The following SAMD5 variants were observed in gnomAD, a reference collection of about 807,000 sequenced individuals.
SAMD5 encodes sterile alpha motif domain-containing protein 5.
SAMD5 carries 13 observed loss-of-function variants against 11.3 expected under a neutral mutation model. The observed-to-expected ratio is 1.15, with a 90% CI of 0.75 to 1.83. The LOEUF is 1.83. Ranked by LOEUF, SAMD5 falls within the 40% of genes most tolerant of loss-of-function variation. The probability of loss-of-function intolerance (pLI) is 0.00; values close to 1 mark genes in which losing one functional copy is unlikely to be tolerated. For synonymous variants in SAMD5, 129 were observed against 111.3 expected, an observed-to-expected ratio of 1.16 and a Z score of -1.00; for missense variants, 255 against 239.1, an observed-to-expected ratio of 1.07 and a Z score of -0.44.
intron 1 of SAMD5, among the ~76,000 whole-genome samples, chr6:147,551,812 T>TTATATA (rs10691979): frequency 0.062 from 6,100 of 99,012 alleles, 144 homozygotes; most frequent in East Asian, 0.14. Context: ...TATATATATG[T>TTATATA]TATATATATA....
chr6:147,642,726 CA>C (rs1330609936), intron 1 of SAMD5, among the ~76,000 whole-genome samples: 8 of 152,286 alleles, frequency 5.3e-5, no homozygotes, highest in Middle Eastern at 3.4e-3. Flanking sequence ...AATAGCTATG[CA>C]ATCCCAGTCT....
chr6:147,702,480 C>T (rs1468585355), intron 1 of SAMD5, among the ~76,000 whole-genome samples: 2 of 152,114 alleles, frequency 1.3e-5, no homozygotes, highest in African/African-American at 4.8e-5. Context: ...AGGAGAAACA[C>T]TAGATACATT....
the SAMD5 span, among the ~76,000 whole-genome samples, chr6:147,879,352 G>T: frequency 6.6e-6 from 1 of 152,180 alleles, no homozygotes; most frequent in East Asian, 1.9e-4. Flanking sequence ...TCCTCCGAGA[G>T]CAGAGATGAG....
chr6:147,599,187 T>C (rs17077055), intron 1 of SAMD5, among the ~76,000 whole-genome samples: 6,683 of 152,238 alleles, frequency 0.044, 225 homozygotes, highest in Admixed American at 0.098. Context: ...TGGTAAAGAA[T>C]GCCAAATTGC....
chr6:147,886,115 A>G, the SAMD5 span, among the ~76,000 whole-genome samples: 1 of 152,156 alleles, frequency 6.6e-6, no homozygotes, highest in African/African-American at 2.4e-5. Context: ...TAAAAAGAGC[A>G]TTTCCCAGGA....
chr6:147,896,451 G>A, the SAMD5 span, among the ~76,000 whole-genome samples: 1 of 152,030 alleles, frequency 6.6e-6, no homozygotes, highest in Non-Finnish European at 1.5e-5. Flanking sequence ...TGCTAAATAG[G>A]CTGATCTCAG....
chr6:147,837,475 G>A, the SAMD5 span, among the ~76,000 whole-genome samples: 2 of 152,240 alleles, frequency 1.3e-5, no homozygotes, highest in African/African-American at 4.8e-5. Flanking sequence ...TGACACATAA[G>A]AGGAGAAATC....
rs191849338 is a variant in SAMD5, at chr6:147,581,519, C to A, written c.162+72132C>A. Among the ~76,000 whole-genome samples the A allele has an allele frequency of 2.6e-5, 4 of 152,136 alleles. No homozygotes were observed. In the East Asian group the frequency reaches 7.8e-4, roughly 30 times the overall value. ...AACATTGAAGTGATGGATGGAGGAA[C>A]AGGAAGGAGCTTTGAACCAAGTAGG... On this transcript the variant is annotated intron_variant, in intron 1 of 1. Coordinates refer to the SAMD5 transcript ENST00000566741.
intron 1 of SAMD5, among the ~76,000 whole-genome samples, chr6:147,736,143 C>T (rs1791800042): frequency 6.6e-6 from 1 of 152,132 alleles, no homozygotes; most frequent in South Asian, 2.1e-4. Flanking sequence ...GCAGATTATG[C>T]AACGTTTGTG....
At chr6:147,909,722 T>C in the SAMD5 span, among the ~76,000 whole-genome samples, 1 of 151,916 alleles carries the variant, frequency 6.6e-6, no homozygotes, top group East Asian at 1.9e-4. Flanking sequence ...GTTTGCTTAT[T>C]GTCCATACTG....
intron 1 of SAMD5, among the ~76,000 whole-genome samples, chr6:147,562,654 C>G (rs1226630435): frequency 6.6e-6 from 1 of 152,086 alleles, no homozygotes; most frequent in Non-Finnish European, 1.5e-5. Context: ...AACTCCGTCT[C>G]TACTAAAAAT....
At chr6:147,592,102 C>G (rs1261608233) in intron 1 of SAMD5, among the ~76,000 whole-genome samples, 1 of 152,138 alleles carries the variant, frequency 6.6e-6, no homozygotes, top group Non-Finnish European at 1.5e-5. Flanking sequence ...ATCCTCCAGC[C>G]TCAGCTTCCT....
intron 1 of SAMD5, among the ~76,000 whole-genome samples, chr6:147,713,579 G>C (rs1173901453): frequency 6.6e-6 from 1 of 152,172 alleles, no homozygotes; most frequent in African/African-American, 2.4e-5. Context: ...TCATGCATAA[G>C]CTGTAGGAGC....
At chr6:147,513,083 T>C (rs1788114197) in intron 1 of SAMD5, among the ~76,000 whole-genome samples, 1 of 152,116 alleles carries the variant, frequency 6.6e-6, no homozygotes, top group Non-Finnish European at 1.5e-5. Context: ...AAGTTTGGCA[T>C]CAACAGGAAT....
At chr6:147,920,394 T>G in the SAMD5 span, among the ~76,000 whole-genome samples, 4 of 152,202 alleles carry the variant, frequency 2.6e-5, no homozygotes, top group Non-Finnish European at 5.9e-5. Context: ...TCTTGGACCT[T>G]TAGCCACAGA....
At chr6:147,845,805 G>GA in the SAMD5 span, among the ~76,000 whole-genome samples, 1 of 152,168 alleles carries the variant, frequency 6.6e-6, no homozygotes, top group African/African-American at 2.4e-5. Flanking sequence ...AATCACTCTG[G>GA]AAAATAATTC....
chr6:147,872,458 G>A, the SAMD5 span, among the ~76,000 whole-genome samples: 1 of 152,156 alleles, frequency 6.6e-6, no homozygotes, highest in Non-Finnish European at 1.5e-5. Context: ...CGCTTTGCCT[G>A]AATTAACTAA....
At chr6:147,777,937 C>T in the SAMD5 span, among the ~76,000 whole-genome samples, 4 of 152,118 alleles carry the variant, frequency 2.6e-5, no homozygotes, top group Non-Finnish European at 4.4e-5. Context: ...GTTGTTTCCA[C>T]CTTTTGGCTA....
chr6:147,799,691 C>T, the SAMD5 span, among the ~76,000 whole-genome samples: 1,044 of 151,252 alleles, frequency 6.9e-3, 17 homozygotes, highest in African/African-American at 0.024. Context: ...TTCTCCCCAT[C>T]ACTTTCAGGT....
Sources: allele counts gnomAD v4.1 joint callset (sites outside exome capture counted in the v4.1 genomes callset), GRCh38; gene constraint gnomAD v4.1.1; transcripts MANE v1.5; gene names NCBI Gene and HGNC (gene_info 2026-07-23, HGNC 2026-07-21).